Variants in ESR2 observed in about 807,000 individuals in gnomAD.
ESR2 encodes estrogen receptor beta.
ESR2 carries 36 observed loss-of-function variants against 49.6 expected under a neutral mutation model. That is an observed-to-expected ratio of 0.73 (90% CI 0.56 to 0.96). The LOEUF is 0.96. Among genes scored for constraint, ESR2 ranks in the 40% least tolerant of loss-of-function variants. The pLI, the probability that ESR2 is intolerant of heterozygous loss-of-function variation, is 0.00. For synonymous variants in ESR2, 320 were observed against 266.1 expected (o/e 1.20, Z -1.97); for missense variants, 714 against 693.0 (o/e 1.03, Z -0.34).
intron 7 of ESR2, among the ~76,000 whole-genome samples, chr14:64,241,187 C>T (rs997732591): frequency 1.3e-5 from 2 of 148,996 alleles, no homozygotes; most frequent in South Asian, 2.1e-4. Context: ...CTAGGCTAAG[C>T]TATGATGTTC....
In ESR2 at chr14:64,268,818, T is replaced by C. The variant is rs781052752; in HGVS notation, c.629A>G (p.Tyr210Cys). The C allele has an allele frequency of 1.4e-5, 22 of 1,611,762 alleles. No homozygotes were observed. In the Admixed American group the frequency reaches 3.7e-4, roughly 27 times the overall value. Reference protein sequence around the residue: ...SCQACRLRKCYEVGMVKCGSR... With the variant: ...SCQACRLRKCCEVGMVKCGSR... ...ACCACACTTCACCATTCCCACTTCG[T>C]AACACTTCCGAAGTCGGCAGGCCTG... The change falls in exon 4 of 9, where the codon TAC becomes TGC. Residue 210 changes from tyrosine (Y) to cysteine (C), a missense_variant. Transcript: ENST00000341099.
chr14:64,263,246 G>A (rs1039318396), intron 4 of ESR2, among the ~76,000 whole-genome samples: 1 of 152,076 alleles, frequency 6.6e-6, no homozygotes, highest in African/African-American at 2.4e-5. Flanking sequence ...CAAATAAATT[G>A]ACATTACTCT....
intron 1 of ESR2, among the ~76,000 whole-genome samples, chr14:64,333,560 A>C (rs941496589): frequency 6.6e-6 from 1 of 152,216 alleles, no homozygotes; most frequent in Non-Finnish European, 1.5e-5. Context: ...TAAAAAGTTT[A>C]ATGGACTCAC....
chr14:64,228,018 A>G, downstream of ESR2: 1 of 1,512,612 alleles, frequency 6.6e-7, no homozygotes, highest in Non-Finnish European at 8.8e-7. Context: ...GACTTTTGTG[A>G]GCTGCATTTT....
intron 6 of ESR2, among the ~76,000 whole-genome samples, chr14:64,256,909 A>G (rs144442533): frequency 2.3e-4 from 35 of 152,304 alleles, no homozygotes; most frequent in African/African-American, 8.2e-4. Context: ...TAACCTGAAA[A>G]TGGAATTTTT....
intron 5 of ESR2, 82 bp from the exon 6 acceptor site, chr14:64,257,446 T>A (rs2076126708): frequency 6.5e-7 from 1 of 1,528,366 alleles, no homozygotes; most frequent in Non-Finnish European, 8.9e-7. Flanking sequence ...TGGCAAGTGT[T>A]AAAACACTAA....
At chr14:64,282,280 G>A (rs1567774860) in intron 2 of ESR2, among the ~76,000 whole-genome samples, 1 of 152,192 alleles carries the variant, frequency 6.6e-6, no homozygotes, top group Admixed American at 6.5e-5. Context: ...AGGAGGTGAA[G>A]GTTGCAGTGA....
At chr14:64,259,104 A>G (rs1427320791) in intron 5 of ESR2, among the ~76,000 whole-genome samples, 1 of 152,244 alleles carries the variant, frequency 6.6e-6, no homozygotes, top group African/African-American at 2.4e-5. Flanking sequence ...GAATACATTT[A>G]AAGCAAAAAC....
At chr14:64,275,947 A>C (rs2076550205) in intron 3 of ESR2, among the ~76,000 whole-genome samples, 1 of 152,200 alleles carries the variant, frequency 6.6e-6, no homozygotes, top group African/African-American at 2.4e-5. Context: ...TGGATTTATT[A>C]AGTAAAATGA....
intron 1 of ESR2, among the ~76,000 whole-genome samples, chr14:64,306,481 T>C (rs972428137): frequency 6.6e-6 from 1 of 152,198 alleles, no homozygotes; most frequent in Non-Finnish European, 1.5e-5. Context: ...ATACCTAGTT[T>C]GCTGAGTTTT....
At chr14:64,312,957 T>A (rs2077202069) in intron 1 of ESR2, among the ~76,000 whole-genome samples, 1 of 151,508 alleles carries the variant, frequency 6.6e-6, no homozygotes. Context: ...AAAGACAGAG[T>A]TAGCAGAGGG....
intron 1 of ESR2, among the ~76,000 whole-genome samples, chr14:64,308,315 C>A (rs945256786): frequency 2.0e-5 from 3 of 152,034 alleles, no homozygotes; most frequent in Non-Finnish European, 4.4e-5. Context: ...CGCCGGGCCC[C>A]TATTTTCTAA....
intron 1 of ESR2, among the ~76,000 whole-genome samples, chr14:64,309,472 T>C (rs1290967812): frequency 6.6e-6 from 1 of 151,554 alleles, no homozygotes; most frequent in Non-Finnish European, 1.5e-5. Flanking sequence ...AAGTATTGTA[T>C]TGGTGGCAGG....
intron 1 of ESR2, among the ~76,000 whole-genome samples, chr14:64,290,152 G>C (rs571167280): frequency 1.3e-5 from 2 of 152,246 alleles, no homozygotes; most frequent in African/African-American, 4.8e-5. Flanking sequence ...GCCTACTGCA[G>C]CCTTGATCTC....
At chr14:64,305,213 C>T (rs2077075046) in intron 1 of ESR2, among the ~76,000 whole-genome samples, 1 of 150,406 alleles carries the variant, frequency 6.6e-6, no homozygotes. Flanking sequence ...ATGGCGTGAA[C>T]CCAGGAGGCA....
chr14:64,337,509 C>T (rs1463827690), intron 1 of ESR2: 3 of 151,906 alleles, frequency 2.0e-5, no homozygotes, highest in East Asian at 3.9e-4. Context: ...CTAAAATATC[C>T]GCTTGTGCAA....
intron 1 of ESR2, among the ~76,000 whole-genome samples, chr14:64,301,754 C>G (rs1273715806): frequency 6.6e-6 from 1 of 152,144 alleles, no homozygotes; most frequent in Non-Finnish European, 1.5e-5. Context: ...TGATTTTTCT[C>G]TGTAAAATGG....
At chr14:64,309,331 G>C (rs933254290) in intron 1 of ESR2, among the ~76,000 whole-genome samples, 1 of 152,174 alleles carries the variant, frequency 6.6e-6, no homozygotes, top group Non-Finnish European at 1.5e-5. Context: ...AGAATCTTAG[G>C]CCGGGTGCAG....
intron 2 of ESR2, among the ~76,000 whole-genome samples, chr14:64,281,438 AGGAG>A (rs1311930456): frequency 6.6e-6 from 1 of 151,794 alleles, no homozygotes; most frequent in Non-Finnish European, 1.5e-5. Context: ...CTTCCTTTAA[AGGAG>A]GAAGGAGAAA....
Sources: gnomAD v4.1 joint callset for allele counts (sites outside exome capture counted in the v4.1 genomes callset) on GRCh38, gnomAD v4.1.1 for gene constraint, MANE v1.5 for transcripts, NCBI Gene and HGNC (gene_info 2026-07-23, HGNC 2026-07-21) for gene names.